Variants in OSTM1 observed in about 807,000 individuals in gnomAD.
The protein encoded by OSTM1 is osteopetrosis-associated transmembrane protein 1.
In OSTM1, 26 loss-of-function variants were observed where a neutral mutation model predicts 35.4. That is an observed-to-expected ratio of 0.73 (90% CI 0.54 to 1.02). OSTM1 has a LOEUF of 1.02. Among genes scored for constraint, OSTM1 ranks in the 50% least tolerant of loss-of-function variants. The pLI is 0.00. For missense variants in OSTM1, 366 were observed against 409.6 expected (o/e 0.89, Z 0.92); for synonymous variants, 181 against 165.0 (o/e 1.10, Z -0.75).
chr6:108,074,216 T>A, intron 1 of OSTM1, 34 bp downstream of exon 1: 1 of 1,607,428 alleles, frequency 6.2e-7, no homozygotes, highest in Non-Finnish European at 8.5e-7. Flanking sequence ...CCAACTCTCC[T>A]GAGCCACAGT....
chr6:108,054,401 T>C (rs1772135126), intron 3 of OSTM1, 89 bp downstream of exon 3: 1 of 610,910 alleles, frequency 1.6e-6, no homozygotes, highest in Middle Eastern at 4.3e-4. Flanking sequence ...TAGATAAATA[T>C]CAATAATTAG....
Position 108,074,237 on chromosome 6 carries a change from G to A in OSTM1, c.402+13C>T, listed in dbSNP as rs1772541805. ...CTCCTGAGCCACAGTCCCGGACGTG[G>A]TCCTGTACCCACCCCCGCGGCTCGG... On this transcript the variant is annotated intron_variant, in intron 1 of 5. Transcript: ENST00000193322. The A allele has an allele frequency of 6.2e-7, 1 of 1,611,288 alleles. No individual in the cohort carries two copies. Among genetic ancestry groups the A allele is most frequent in the Non-Finnish European group, 8.5e-7 (1 of 1,179,766 alleles).
At chr6:108,071,443 A>G (rs924324381) in intron 1 of OSTM1, among the ~76,000 whole-genome samples, 54 of 142,546 alleles carry the variant, frequency 3.8e-4, no homozygotes, top group South Asian at 9.0e-4. Flanking sequence ...GTAGCTGCGC[A>G]CCACCACACC....
intron 2 of OSTM1, among the ~76,000 whole-genome samples, chr6:108,058,039 T>C (rs1053605685): frequency 1.1e-4 from 16 of 145,666 alleles, no homozygotes; most frequent in Non-Finnish European, 2.2e-4. Context: ...AGCTTAAGAG[T>C]CAATCTTTTT....
intron 1 of OSTM1, among the ~76,000 whole-genome samples, chr6:108,073,137 T>TGAC (rs1270843447): frequency 6.6e-6 from 1 of 152,218 alleles, no homozygotes; most frequent in Non-Finnish European, 1.5e-5. Flanking sequence ...AATAACAGGC[T>TGAC]GACTTAAAGC....
At position 108,045,637 on chromosome 6, in the gene OSTM1, C is replaced by A. The variant is rs558669105; in HGVS notation, c.950-797G>T. Among the ~76,000 whole-genome samples, 7 of 152,056 alleles carry A rather than the reference C, an allele frequency of 4.6e-5. No homozygotes were observed. The South Asian group carries it at 1.2e-3, about 27-fold the overall frequency. ...GTTTTATGTTATATAAACACACAAA[C>A]ACATATGGCTGCTAACAAAATACGT... On this transcript the variant is annotated intron_variant, in intron 5 of 5. Coordinates refer to ENST00000193322, the MANE Select transcript of OSTM1 (RefSeq NM_014028.4).
At chr6:108,065,239 CTTTTTTTT>C (rs11300140) in intron 1 of OSTM1, among the ~76,000 whole-genome samples, 1 of 140,402 alleles carries the variant, frequency 7.1e-6, no homozygotes, top group African/African-American at 2.6e-5. Flanking sequence ...TCTATTATCA[CTTTTTTTT>C]TTTTTTTTTT....
At chr6:108,049,584 CTGGTT>C in intron 4 of OSTM1, 166 bp from the exon 5 acceptor site, 1 of 1,430,934 alleles carries the variant, frequency 7.0e-7, no homozygotes, top group Non-Finnish European at 9.1e-7. Flanking sequence ...GGAAAAAAAC[CTGGTT>C]CAAAATACAG....
chr6:108,055,787 G>A (rs1278432118), intron 2 of OSTM1, among the ~76,000 whole-genome samples: 2 of 152,016 alleles, frequency 1.3e-5, no homozygotes, highest in Admixed American at 6.6e-5. Context: ...TTCTGATCTC[G>A]GGGCAACAAA....
chr6:108,048,021 C>A (rs914704313), intron 5 of OSTM1, among the ~76,000 whole-genome samples: 9 of 152,304 alleles, frequency 5.9e-5, no homozygotes, highest in Non-Finnish European at 1.0e-4. Flanking sequence ...TGCATATTTA[C>A]AGAATGCTGG....
At chr6:108,048,820 C>A (rs999072344) in intron 5 of OSTM1, among the ~76,000 whole-genome samples, 2 of 144,040 alleles carry the variant, frequency 1.4e-5, no homozygotes, top group Non-Finnish European at 3.0e-5. Context: ...GGTGCGATCT[C>A]GGTTCACTGC....
intron 1 of OSTM1, among the ~76,000 whole-genome samples, chr6:108,066,332 G>C (rs1477697899): frequency 6.6e-6 from 1 of 152,062 alleles, no homozygotes; most frequent in Non-Finnish European, 1.5e-5. Flanking sequence ...TAATCCAAAC[G>C]ATGATGAGGT....
At chr6:108,071,262 C>T (rs1382732377) in intron 1 of OSTM1, among the ~76,000 whole-genome samples, 5 of 151,566 alleles carry the variant, frequency 3.3e-5, no homozygotes, top group Non-Finnish European at 7.4e-5. Flanking sequence ...CTAATTCCTT[C>T]AAGTTCACTC....
intron 1 of OSTM1, among the ~76,000 whole-genome samples, chr6:108,072,302 G>A (rs1334544144): frequency 6.6e-6 from 1 of 152,096 alleles, no homozygotes; most frequent in Admixed American, 6.6e-5. Flanking sequence ...AGTGTGCCTG[G>A]AAAATACCGC....
At chr6:108,073,002 G>C (rs189834926) in intron 1 of OSTM1, among the ~76,000 whole-genome samples, 17 of 152,254 alleles carry the variant, frequency 1.1e-4, no homozygotes, top group African/African-American at 4.1e-4. Flanking sequence ...AGAGACGGGG[G>C]TTTCACCATG....
At chr6:108,054,366 C>T (rs530946598) in intron 3 of OSTM1, 124 bp downstream of exon 3, 6 of 469,928 alleles carry the variant, frequency 1.3e-5, no homozygotes, top group South Asian at 1.1e-4. Context: ...AATCCAGGTC[C>T]ACTAACTCCT....
intron 5 of OSTM1, among the ~76,000 whole-genome samples, chr6:108,045,772 T>C (rs1771956734): frequency 6.6e-6 from 1 of 152,196 alleles, no homozygotes; most frequent in Admixed American, 6.5e-5. Context: ...TAAACATGAA[T>C]GTTTCTCATG....
intron 1 of OSTM1, among the ~76,000 whole-genome samples, chr6:108,066,510 C>T (rs1772379781): frequency 6.6e-6 from 1 of 152,076 alleles, no homozygotes; most frequent in East Asian, 1.9e-4. Flanking sequence ...TCCTGTAAAT[C>T]AAGGAAAAGG....
Position 108,041,458 on chromosome 6 carries a change from T to C in OSTM1, c.*3327A>G, listed in dbSNP as rs1444401238. 6.6e-6 allele frequency: 1 copy of C among 152,252 alleles called. No individual in the cohort carries two copies. 9.4% of individuals were successfully genotyped at this position (152,252 alleles called of 1,614,324 possible). A position where few individuals can be genotyped will look rare whatever the true frequency, so the allele number is the denominator to read the frequency against. ...TTCCAAGGAGATAAAGAAAGTTATT[T>C]GTCATTAAACATGTTACATGTATGA... is the stretch of plus-strand genomic sequence containing the variant. On this transcript the variant is annotated 3_prime_UTR_variant, in exon 6 of 6. Coordinates refer to ENST00000193322, the MANE Select transcript of OSTM1 (RefSeq NM_014028.4).
Sources: gnomAD v4.1 joint callset for allele counts (sites outside exome capture counted in the v4.1 genomes callset) on GRCh38, gnomAD v4.1.1 for gene constraint, MANE v1.5 for transcripts, NCBI Gene and HGNC (gene_info 2026-07-23, HGNC 2026-07-21) for gene names.